The following DAG1 variants were observed in gnomAD, a reference collection of about 807,000 sequenced individuals.
The protein encoded by DAG1 is dystroglycan 1, also known as dystroglycan 1 (dystrophin-associated glycoprotein 1).
A neutral mutation model predicts 46.1 loss-of-function variants in DAG1; 8 were observed. The ratio of observed to expected loss-of-function variants is 0.17; its 90% CI spans 0.10 to 0.31. The LOEUF (loss-of-function observed/expected upper bound fraction) is 0.31. Among genes scored for constraint, DAG1 ranks in the 10% least tolerant of loss-of-function variants. The pLI, the probability that DAG1 is intolerant of heterozygous loss-of-function variation, is 1.00. For synonymous variants in DAG1, 495 were observed against 481.8 expected, an observed-to-expected ratio of 1.03 and a Z score of -0.36; for missense variants, 1,003 against 1,189.9, an observed-to-expected ratio of 0.84 and a Z score of 2.31.
intron 1 of DAG1, chr3:49,476,924 G>A (rs1171311358): frequency 1.3e-5 from 2 of 152,170 alleles, no homozygotes; most frequent in Non-Finnish European, 2.9e-5. Flanking sequence ...CTTGAAAAGA[G>A]ACATTTCTGC....
At position 49,531,563 on chromosome 3, in the gene DAG1, C is replaced by G. The variant is rs2051346943; in HGVS notation, c.1052C>G (p.Thr351Arg). Reference sequence around the variant, plus strand: ...ACATCTCCAGCCATTGCTCCTCCAACAGAGACCATGGCTCCTCCAGTCAGG... The same window carrying G: ...ACATCTCCAGCCATTGCTCCTCCAAGAGAGACCATGGCTCCTCCAGTCAGG... ...TPTSPAIAPP[T>R]ETMAPPVRDP... The change falls in exon 3 of 3, where the codon ACA becomes AGA. Residue 351 changes from threonine (T) to arginine (R), a missense_variant. By Grantham distance (71) the Thr-to-Arg change is moderately conservative. Coordinates refer to ENST00000308775, the MANE Select transcript of DAG1 (RefSeq NM_004393.6). The surrounding 1 kb of genome is among the most constrained non-coding windows in gnomAD (Gnocchi z 7.0). 2 of 1,612,210 alleles carry G rather than the reference C, an allele frequency of 1.2e-6. No individual in the cohort carries two copies. The highest frequency in any genetic ancestry group is 1.7e-6 in the Non-Finnish European group (2 of 1,178,428).
intron 1 of DAG1, among the ~76,000 whole-genome samples, chr3:49,490,978 C>A (rs894298755): frequency 1.3e-5 from 2 of 150,268 alleles, no homozygotes; most frequent in African/African-American, 4.9e-5. Context: ...TTCTGCCTCC[C>A]AGGTTCAAGC....
At position 49,532,899 on chromosome 3, in the gene DAG1, G is replaced by A. The variant is rs542910395; in HGVS notation, c.2388G>A (p.Val796=). Residue 796 remains valine, a synonymous_variant, in exon 3 of 3, where the codon GTG becomes GTA. Transcript: ENST00000308775. This position sits in a 1 kb window ranked among gnomAD's most constrained non-coding sequence, Gnocchi z 5.4. ...EDQATFIKKG[V]PIIFADELDD... ...AGGCCACCTTCATCAAGAAGGGGGT[G>A]CCTATCATCTTTGCAGACGAACTGG... 41 of 1,614,088 alleles carry A rather than the reference G, an allele frequency of 2.5e-5. No homozygotes were observed. In the South Asian group the frequency reaches 4.4e-4, roughly 17 times the overall value.
chr3:49,480,665 T>C (rs2049852699), intron 1 of DAG1, among the ~76,000 whole-genome samples: 1 of 145,444 alleles, frequency 6.9e-6, no homozygotes, highest in Non-Finnish European at 1.6e-5. Context: ...GTTTTTCTTC[T>C]TATTATTTGT....
upstream of DAG1, among the ~76,000 whole-genome samples, chr3:49,469,558 C>T (rs1282308137): frequency 1.3e-5 from 2 of 152,128 alleles, no homozygotes; most frequent in Non-Finnish European, 1.5e-5. Context: ...GGCAGGAGAG[C>T]AGGCGTCGGA....
intron 1 of DAG1, among the ~76,000 whole-genome samples, chr3:49,501,938 A>AACACTTTG (rs2050465077): frequency 6.6e-6 from 1 of 152,216 alleles, no homozygotes. Context: ...ACACTTTGGG[A>AACACTTTG]GGCCAAGGCA....
intron 1 of DAG1, among the ~76,000 whole-genome samples, chr3:49,503,230 C>T (rs534748639): frequency 3.9e-5 from 6 of 152,312 alleles, no homozygotes; most frequent in Admixed American, 1.3e-4. Context: ...CCTGTTCCCT[C>T]AGTGGTGTCA....
chr3:49,480,536 G>C (rs144935415), intron 1 of DAG1, among the ~76,000 whole-genome samples: 1 of 145,790 alleles, frequency 6.9e-6, no homozygotes, highest in African/African-American at 2.5e-5. Context: ...CTCGTGATCC[G>C]CCCGCCTTGG....
At chr3:49,521,781 A>G (rs1481908921) in intron 2 of DAG1, among the ~76,000 whole-genome samples, 1 of 152,120 alleles carries the variant, frequency 6.6e-6, no homozygotes, top group Non-Finnish European at 1.5e-5. Context: ...AGGAGTGACC[A>G]AAATGTTCAA....
chr3:49,504,889 G>T (rs1273969001), intron 1 of DAG1, among the ~76,000 whole-genome samples: 3 of 147,618 alleles, frequency 2.0e-5, no homozygotes, highest in African/African-American at 7.5e-5. Context: ...GGGATTACAG[G>T]TGTGAGCCAC....
intron 1 of DAG1, among the ~76,000 whole-genome samples, chr3:49,491,552 C>T (rs1230972940): frequency 6.6e-6 from 1 of 151,166 alleles, no homozygotes; most frequent in Non-Finnish European, 1.5e-5. Flanking sequence ...ATCTTGCTCA[C>T]TGCAAGCTCT....
At chr3:49,481,290 T>C (rs2049874655) in intron 1 of DAG1, among the ~76,000 whole-genome samples, 1 of 149,298 alleles carries the variant, frequency 6.7e-6, no homozygotes, top group Non-Finnish European at 1.5e-5. Flanking sequence ...CCAGCTACTC[T>C]GGAGGCCGAG....
intron 1 of DAG1, among the ~76,000 whole-genome samples, chr3:49,472,723 C>T (rs950919714): frequency 2.6e-5 from 4 of 152,120 alleles, no homozygotes; most frequent in Admixed American, 6.5e-5. Flanking sequence ...AGGAGAATGG[C>T]GTGAACCCGG....
At chr3:49,478,645 T>C (rs1482493706) in intron 1 of DAG1, among the ~76,000 whole-genome samples, 5 of 150,286 alleles carry the variant, frequency 3.3e-5, no homozygotes, top group Non-Finnish European at 7.4e-5. Context: ...CACAAACTGC[T>C]GGATTACAGA....
At chr3:49,530,712 C>A in intron 2 of DAG1, 85 bp from the exon 3 acceptor site, 1 of 1,581,778 alleles carries the variant, frequency 6.3e-7, no homozygotes, top group Non-Finnish European at 8.7e-7. Context: ...TTAAACCTGT[C>A]ACACAATTCA....
chr3:49,530,953 A>T lies in DAG1; in HGVS notation c.442A>T (p.Thr148Ser), dbSNP rs1297914937. The T allele has an allele frequency of 1.2e-6, 2 of 1,613,924 alleles. No homozygotes were observed. The highest frequency in any genetic ancestry group is 1.7e-4 in the Middle Eastern group (1 of 6,060). The change falls in exon 3 of 3, where the codon ACC becomes TCC. Residue 148 changes from threonine to serine, a missense_variant. Coordinates refer to ENST00000308775, the MANE Select transcript of DAG1 (RefSeq NM_004393.6). ...LGANGSHIPQ[T>S]SSVFSIEVYP... ...GGCCAACGGGAGCCACATCCCCCAG[A>T]CCTCCAGTGTGTTCTCCATCGAGGT...
chr3:49,517,820 CT>C (rs1192120484), intron 2 of DAG1, among the ~76,000 whole-genome samples: 3 of 152,180 alleles, frequency 2.0e-5, no homozygotes, highest in Admixed American at 1.3e-4. Flanking sequence ...TAATTAAAGG[CT>C]TGCTATGTGA....
chr3:49,510,755 T>C lies in DAG1; in HGVS notation c.221T>C (p.Val74Ala). ...GGCATTCCTGATGGCACGGCTGTCG[T>C]CGGGCGCTCATTTCGAGTGACCATT... Reference protein sequence around the residue: ...VVGIPDGTAVVGRSFRVTIPT... With the variant: ...VVGIPDGTAVAGRSFRVTIPT... The change falls in exon 2 of 3, where the codon GTC becomes GCC. Residue 74 changes from valine (V) to alanine (A), a missense_variant. By Grantham distance (64) the Val-to-Ala change is moderately conservative. This residue lies in a region of DAG1 where 196 missense variants were observed against 239.1 expected (regional missense o/e 0.82). Coordinates refer to ENST00000308775, the MANE Select transcript of DAG1 (RefSeq NM_004393.6). 6.2e-7 allele frequency: 1 copy of C among 1,614,182 alleles called. No individual in the cohort carries two copies. Among genetic ancestry groups the C allele is most frequent in the African/African-American group, 1.3e-5 (1 of 75,044 alleles).
intron 1 of DAG1, among the ~76,000 whole-genome samples, chr3:49,490,152 G>T (rs1423109573): frequency 6.6e-6 from 1 of 152,104 alleles, no homozygotes; most frequent in Non-Finnish European, 1.5e-5. Flanking sequence ...AGGAGATCGA[G>T]ACTATCCTGG....
Sources: gnomAD v4.1 joint callset for allele counts (sites outside exome capture counted in the v4.1 genomes callset) on GRCh38, gnomAD v4.1.1 for gene constraint, gnomAD v4.1.1 regional missense constraint, Gnocchi (gnomAD v3.1) non-coding constraint, MANE v1.5 for transcripts, NCBI Gene and HGNC (gene_info 2026-07-23, HGNC 2026-07-21) for gene names.